The following PARD3B variants were observed in gnomAD, a reference collection of about 807,000 sequenced individuals.
PARD3B encodes the protein par-3 family cell polarity regulator beta.
A neutral mutation model predicts 130.2 loss-of-function variants in PARD3B; 103 were observed. That is an observed-to-expected ratio of 0.79 (90% confidence interval 0.67 to 0.93). PARD3B has a LOEUF of 0.93. PARD3B is among the 40% of genes least tolerant of loss of function. The pLI, the probability that PARD3B is intolerant of heterozygous loss-of-function variation, is 0.00. For missense variants in PARD3B, 1,609 were observed against 1,499.2 expected, an observed-to-expected ratio of 1.07 and a Z score of -1.21; for synonymous variants, 583 against 553.2, an observed-to-expected ratio of 1.05 and a Z score of -0.76.
intron 4 of PARD3B, among the ~76,000 whole-genome samples, chr2:205,088,395 T>C (rs973633874): frequency 2.9e-4 from 44 of 152,098 alleles, no homozygotes; most frequent in Non-Finnish European, 4.3e-4. Context: ...AGAAAATAAA[T>C]AGATTGTTAT....
chr2:205,057,517 G>GTATGTGTATATATA lies in PARD3B; in HGVS notation c.504+9827_504+9828insTATGTGTATATATA, dbSNP rs1559397079. On this transcript the variant is annotated intron_variant, in intron 4 of 22. Coordinates refer to ENST00000406610, the MANE Select transcript of PARD3B (RefSeq NM_001302769.2). ...TGTATATATACATATATGTGTATGT[G>GTATGTGTATATATA]CATGTGTATATATACATATATGTAT... is the stretch of plus-strand genomic sequence containing the variant. 7.1e-5 allele frequency among the ~76,000 whole-genome samples: 10 copies of GTATGTGTATATATA among 140,218 alleles called. 2 individuals carry two copies. The highest frequency in any genetic ancestry group is 2.5e-4 in the African/African-American group (9 of 36,468). The allele number at this position is 140,218 out of a possible 152,430, so 92.0% of individuals were successfully genotyped here.
At chr2:205,391,061 CTG>C (rs1449006679) in intron 18 of PARD3B, among the ~76,000 whole-genome samples, 2 of 152,328 alleles carry the variant, frequency 1.3e-5, no homozygotes, top group East Asian at 3.9e-4. Flanking sequence ...CAGGATGAAT[CTG>C]TGGCCAGTGT....
intron 18 of PARD3B, among the ~76,000 whole-genome samples, chr2:205,383,083 CATAGATAGATAGATAGATAGATAG>C (rs59376156): frequency 7.1e-4 from 56 of 78,576 alleles, no homozygotes; most frequent in African/African-American, 1.6e-3. Context: ...GGAAAGTTTA[CATAGATAGATAGATAGATAGATAG>C]ATAGATAGAT....
intron 21 of PARD3B, among the ~76,000 whole-genome samples, chr2:205,513,366 T>C (rs1367845887): frequency 1.3e-5 from 2 of 152,112 alleles, no homozygotes; most frequent in Middle Eastern, 3.4e-3. Flanking sequence ...GGTTAAAAAA[T>C]CTAATCCCTA....
intron 11 of PARD3B, among the ~76,000 whole-genome samples, chr2:205,164,456 G>T (rs539149038): frequency 6.6e-6 from 1 of 152,152 alleles, no homozygotes; most frequent in East Asian, 1.9e-4. Context: ...AACACAGCGA[G>T]ACCCCATCTC....
At chr2:205,595,780 C>T (rs1222619172) in intron 22 of PARD3B, among the ~76,000 whole-genome samples, 2 of 152,160 alleles carry the variant, frequency 1.3e-5, no homozygotes, top group East Asian at 3.8e-4. Flanking sequence ...CACAATAAAA[C>T]CTTGTCTTGC....
rs539010407 is a variant in PARD3B, at chr2:204,887,062, T to A, written c.223-78090T>A. On this transcript the variant is annotated intron_variant, in intron 2 of 22. Coordinates refer to ENST00000406610, the MANE Select transcript of PARD3B (RefSeq NM_001302769.2). The surrounding 1 kb of genome is among the most constrained non-coding windows in gnomAD (Gnocchi z 4.2). ...GGCATTTTTTTAAATCAGTTTTTTT[T>A]AATCAGCTTTTAGTTCCATCTGTTC... Among the ~76,000 whole-genome samples the A allele has an allele frequency of 1.3e-5, 2 of 152,348 alleles. No individual in the cohort carries two copies. The highest frequency in any genetic ancestry group is 4.1e-4 in the South Asian group (2 of 4,828).
At chr2:205,586,474 ATTC>A (rs2054201079) in intron 22 of PARD3B, among the ~76,000 whole-genome samples, 2 of 152,216 alleles carry the variant, frequency 1.3e-5, no homozygotes, top group African/African-American at 4.8e-5. Flanking sequence ...ACTGGAGAAT[ATTC>A]TTCATCTCAG....
chr2:204,777,620 T>A lies in PARD3B; in HGVS notation c.222+91338T>A, dbSNP rs182275712. ...CTGTCTCTACAAAAAATTAAAAAAA[T>A]TAGCCAGGAATTGTGGTGCATGCTT... On this transcript the variant is annotated intron_variant, in intron 2 of 22. Coordinates refer to ENST00000406610, the MANE Select transcript of PARD3B (RefSeq NM_001302769.2). 3.9e-3 allele frequency among the ~76,000 whole-genome samples: 600 copies of A among 152,132 alleles called. 1 individual carries two copies. The highest frequency in any genetic ancestry group is 7.0e-3 in the Admixed American group (107 of 15,264).
In PARD3B at chr2:205,281,981, G is replaced by A. The variant is rs940882770; in HGVS notation, c.2186-18549G>A. Among the ~76,000 whole-genome samples, 10 of 151,916 alleles carry A rather than the reference G, an allele frequency of 6.6e-5. No individual in the cohort carries two copies. The East Asian group carries it at 1.3e-3, about 20-fold the overall frequency. On this transcript the variant is annotated intron_variant, in intron 16 of 22. Transcript: ENST00000406610. The surrounding 1 kb of genome is among the most constrained non-coding windows in gnomAD (Gnocchi z 4.2). ...TCACTTTGTTGAAAATTTCCCATTC[G>A]TTTTCTAATTATCAAAAATGTTTTT...
intron 1 of PARD3B, among the ~76,000 whole-genome samples, chr2:204,596,284 C>G (rs1473104205): frequency 3.3e-5 from 5 of 152,138 alleles, no homozygotes; most frequent in African/African-American, 1.2e-4. Flanking sequence ...CATCATCCAG[C>G]TCTTCAAATC....
chr2:204,915,341 A>G, intron 2 of PARD3B, among the ~76,000 whole-genome samples: 1 of 152,198 alleles, frequency 6.6e-6, no homozygotes, highest in East Asian at 1.9e-4. Context: ...TCCCTAGAGA[A>G]GCCTTCTCCC....
chr2:205,098,358 T>A (rs575430904), intron 4 of PARD3B, among the ~76,000 whole-genome samples: 1 of 152,128 alleles, frequency 6.6e-6, no homozygotes, highest in Non-Finnish European at 1.5e-5. Context: ...CTAAAATTCA[T>A]TGAGGGGGAA....
rs1180977418 is a variant in PARD3B, at chr2:205,105,860, A to G, written c.593+1346A>G. 6.6e-6 allele frequency among the ~76,000 whole-genome samples: 1 copy of G among 151,842 alleles called. No homozygotes were observed. The highest frequency in any genetic ancestry group is 1.5e-5 in the Non-Finnish European group (1 of 67,952). On this transcript the variant is annotated intron_variant, in intron 5 of 22. Coordinates refer to ENST00000406610, the MANE Select transcript of PARD3B (RefSeq NM_001302769.2). This position sits in a 1 kb window ranked among gnomAD's most constrained non-coding sequence, Gnocchi z 4.0. Reference sequence around the variant, plus strand: ...ATCTTTTCAGAAACTTAATAAGATTATCTAATTATGTCTACCTCCAGAAAC... The same window carrying G: ...ATCTTTTCAGAAACTTAATAAGATTGTCTAATTATGTCTACCTCCAGAAAC...
In PARD3B at chr2:205,528,780, G is replaced by A. The variant is rs111970559; in HGVS notation, c.3181-24544G>A. Among the ~76,000 whole-genome samples, 505 of 152,222 alleles carry A rather than the reference G, an allele frequency of 3.3e-3. 2 individuals carry two copies. Among genetic ancestry groups the A allele is most frequent in the Non-Finnish European group, 3.8e-3 (258 of 68,006 alleles). On this transcript the variant is annotated intron_variant, in intron 21 of 22. Coordinates refer to ENST00000406610, the MANE Select transcript of PARD3B (RefSeq NM_001302769.2). ...GCTGTGATTACAGGCGTGAGCCACC[G>A]TGCCTGGCCAACACAATCTTAAATA...
At chr2:205,476,271 G>C (rs1251148611) in intron 20 of PARD3B, among the ~76,000 whole-genome samples, 1 of 152,128 alleles carries the variant, frequency 6.6e-6, no homozygotes, top group Admixed American at 6.5e-5. Flanking sequence ...CCTCCAATTT[G>C]TTCATTTTGA....
At position 205,021,646 on chromosome 2, in the gene PARD3B, CTCTCTA is replaced by C. The variant is rs775917666; in HGVS notation, c.395-25933_395-25928del. On this transcript the variant is annotated intron_variant, in intron 3 of 22. Transcript: ENST00000406610. The surrounding 1 kb of genome is among the most constrained non-coding windows in gnomAD (Gnocchi z 4.5). The stretch of plus-strand genomic sequence containing the variant: ...CCTCTCTCTTTCTCTCTCTCTCTCT[CTCTCTA>C]TATATATATATATAGTTAATCTTTT... 3.6e-4 allele frequency among the ~76,000 whole-genome samples: 46 copies of C among 129,356 alleles called. No individual in the cohort carries two copies. Among genetic ancestry groups the C allele is most frequent in the Middle Eastern group, 3.8e-3 (1 of 262 alleles). The allele number at this position is 129,356 out of a possible 152,430, so 84.9% of individuals were successfully genotyped here.
At chr2:205,523,475 T>G (rs2106406902) in intron 21 of PARD3B, among the ~76,000 whole-genome samples, 1 of 151,932 alleles carries the variant, frequency 6.6e-6, no homozygotes, top group African/African-American at 2.4e-5. Context: ...CCATATTTTC[T>G]TTGATGATTT....
chr2:204,590,238 T>C (rs974075558), intron 1 of PARD3B, among the ~76,000 whole-genome samples: 2 of 152,152 alleles, frequency 1.3e-5, no homozygotes, highest in Admixed American at 1.3e-4. Context: ...AGCTCTCTCC[T>C]GTCTCTTTTA....
Sources: gnomAD v4.1 joint callset for allele counts (sites outside exome capture counted in the v4.1 genomes callset) on GRCh38, gnomAD v4.1.1 for gene constraint, Gnocchi (gnomAD v3.1) non-coding constraint, MANE v1.5 for transcripts, NCBI Gene and HGNC (gene_info 2026-07-23, HGNC 2026-07-21) for gene names.